Variants in PTCHD4 observed in about 807,000 individuals in gnomAD.
The protein encoded by PTCHD4 is patched domain-containing protein 4.
A neutral mutation model predicts 58.1 loss-of-function variants in PTCHD4; 33 were observed. The observed-to-expected ratio is 0.57, with a 90% CI of 0.43 to 0.76. The LOEUF (loss-of-function observed/expected upper bound fraction) is 0.76, where lower values mean the gene tolerates loss of function less well. Ranked by LOEUF, PTCHD4 falls within the 30% of genes least tolerant of loss-of-function variation. PTCHD4 has a pLI of 0.00. For synonymous variants in PTCHD4, 478 were observed against 409.6 expected, an observed-to-expected ratio of 1.17 and a Z score of -2.02; for missense variants, 1,058 against 1,027.1, an observed-to-expected ratio of 1.03 and a Z score of -0.41.
chr6:48,023,822 A>G, intron 3 of PTCHD4, among the ~76,000 whole-genome samples: 1 of 152,194 alleles, frequency 6.6e-6, no homozygotes, highest in Non-Finnish European at 1.5e-5. Context: ...GTGTTAAGAA[A>G]TAGACTGAAA....
intron 1 of PTCHD4, among the ~76,000 whole-genome samples, chr6:48,073,170 A>G (rs774495185): frequency 2.0e-5 from 3 of 152,204 alleles, no homozygotes; most frequent in Non-Finnish European, 2.9e-5. Flanking sequence ...TTAGGGACCA[A>G]TTAGTAACAA....
At chr6:47,949,593 G>A (rs1362025783) in intron 4 of PTCHD4, among the ~76,000 whole-genome samples, 1 of 152,068 alleles carries the variant, frequency 6.6e-6, no homozygotes, top group African/African-American at 2.4e-5. Context: ...ATGGCTGTCT[G>A]TGTCCTTGAC....
intron 4 of PTCHD4, among the ~76,000 whole-genome samples, chr6:47,902,376 T>C (rs917912197): frequency 6.6e-6 from 1 of 152,282 alleles, no homozygotes; most frequent in Admixed American, 6.5e-5. Flanking sequence ...TTCAAGATAC[T>C]TTGAAGGCAC....
intron 4 of PTCHD4, among the ~76,000 whole-genome samples, chr6:48,007,853 A>G (rs1362831096): frequency 1.3e-5 from 2 of 152,190 alleles, no homozygotes; most frequent in African/African-American, 2.4e-5. Flanking sequence ...TTTTCTGATA[A>G]GACACATCAG....
At chr6:48,031,652 A>C (rs1282068072) in intron 3 of PTCHD4, among the ~76,000 whole-genome samples, 1 of 152,124 alleles carries the variant, frequency 6.6e-6, no homozygotes, top group African/African-American at 2.4e-5. Flanking sequence ...AAATTCAGGG[A>C]GGCAAACAGT....
At chr6:47,920,836 G>A (rs147837341) in intron 4 of PTCHD4, among the ~76,000 whole-genome samples, 76 of 152,256 alleles carry the variant, frequency 5.0e-4, no homozygotes, top group African/African-American at 1.6e-3. Flanking sequence ...CCACCCAAGC[G>A]TTAAAGAAAA....
At chr6:47,966,416 G>C (rs1015615015) in intron 4 of PTCHD4, among the ~76,000 whole-genome samples, 1 of 152,182 alleles carries the variant, frequency 6.6e-6, no homozygotes, top group African/African-American at 2.4e-5. Context: ...CTCTTTGCTG[G>C]TGAAGGGCCT....
chr6:48,005,510 C>G (rs1762400796), intron 4 of PTCHD4, among the ~76,000 whole-genome samples: 2 of 152,142 alleles, frequency 1.3e-5, no homozygotes. Context: ...GTGTATACCA[C>G]CAGCAGATAT....
intron 4 of PTCHD4, chr6:47,901,745 T>C: frequency 8.3e-7 from 1 of 1,210,200 alleles, no homozygotes; most frequent in Non-Finnish European, 1.0e-6. Context: ...CTCAGATTGC[T>C]CTGATGGTAT....
intron 1 of PTCHD4, among the ~76,000 whole-genome samples, chr6:48,102,160 A>G (rs1045952389): frequency 6.6e-6 from 1 of 152,178 alleles, no homozygotes; most frequent in Admixed American, 6.5e-5. Flanking sequence ...TGGAGCTGGG[A>G]TGTAGCAAAC....
chr6:48,102,545 G>A (rs1274642907), intron 1 of PTCHD4, among the ~76,000 whole-genome samples: 3 of 152,208 alleles, frequency 2.0e-5, no homozygotes, highest in Non-Finnish European at 2.9e-5. Context: ...CGATGCAGAA[G>A]ACGGGTGATT....
At chr6:48,032,380 G>T (rs1237838904) in intron 3 of PTCHD4, among the ~76,000 whole-genome samples, 1 of 151,942 alleles carries the variant, frequency 6.6e-6, no homozygotes, top group Admixed American at 6.6e-5. Context: ...TATACTGTAA[G>T]GAGAAAAATA....
At chr6:48,079,878 A>G (rs1562042413) in intron 1 of PTCHD4, among the ~76,000 whole-genome samples, 4 of 151,578 alleles carry the variant, frequency 2.6e-5, no homozygotes, top group Admixed American at 1.3e-4. Flanking sequence ...ATATTGGTGA[A>G]GAGATTTGGG....
At position 47,879,773 on chromosome 6, in the gene PTCHD4, T is replaced by A. The variant is rs1456026036; in HGVS notation, c.1062A>T (p.Pro354=). ...YFITFGMGAS[P]FTNIEAVKVF... ...CCTTCACAGCCTCTATGTTTGTGAA[T>A]GGGCTGGCACCCATGCCAAAAGTGA... The change falls in exon 5 of 5, where the codon CCA becomes CCT. Residue 354 remains proline, a synonymous_variant. Coordinates refer to ENST00000339488, the MANE Select transcript of PTCHD4 (RefSeq NM_001384253.1). 1 of 1,613,560 alleles carries A rather than the reference T, an allele frequency of 6.2e-7. No individual in the cohort carries two copies. Among genetic ancestry groups the A allele is most frequent in the Non-Finnish European group, 8.5e-7 (1 of 1,179,774 alleles).
At chr6:47,942,449 TA>T (rs1330105714) in intron 4 of PTCHD4, among the ~76,000 whole-genome samples, 1 of 152,126 alleles carries the variant, frequency 6.6e-6, no homozygotes, top group Non-Finnish European at 1.5e-5. Flanking sequence ...AAAAAAATAA[TA>T]ACACAAAACA....
At chr6:48,102,855 G>T (rs892841043) in intron 1 of PTCHD4, among the ~76,000 whole-genome samples, 27 of 152,220 alleles carry the variant, frequency 1.8e-4, no homozygotes, top group African/African-American at 6.5e-4. Flanking sequence ...CTAGCTCATT[G>T]CTAGCACAGC....
intron 4 of PTCHD4, among the ~76,000 whole-genome samples, chr6:47,939,148 T>C (rs1766117317): frequency 6.6e-6 from 1 of 152,082 alleles, no homozygotes. Flanking sequence ...GACAAGTTCT[T>C]TGGAGAAAAG....
chr6:47,900,154 A>T (rs537471565), intron 4 of PTCHD4: 1 of 152,294 alleles, frequency 6.6e-6, no homozygotes, highest in African/African-American at 2.4e-5. Context: ...CTAGCAGTGG[A>T]ATTACTGAAT....
At chr6:47,954,318 C>G (rs1456650056) in intron 4 of PTCHD4, among the ~76,000 whole-genome samples, 1 of 152,188 alleles carries the variant, frequency 6.6e-6, no homozygotes, top group Non-Finnish European at 1.5e-5. Flanking sequence ...GATTGCACCA[C>G]TGCACTCCAG....
Sources: gnomAD v4.1 joint callset for allele counts (sites outside exome capture counted in the v4.1 genomes callset) on GRCh38, gnomAD v4.1.1 for gene constraint, MANE v1.5 for transcripts, NCBI Gene and HGNC (gene_info 2026-07-23, HGNC 2026-07-21) for gene names.